Variants in NF1 observed in about 807,000 individuals in gnomAD.
NF1 encodes the protein neurofibromin 1.
Under a neutral mutation model 325.7 loss-of-function variants are expected in NF1, and 122 were observed. The observed-to-expected ratio is 0.37, with a 90% CI of 0.32 to 0.44. The LOEUF (loss-of-function observed/expected upper bound fraction) is 0.44. Ranked by LOEUF, NF1 falls within the 20% of genes least tolerant of loss-of-function variation. The pLI is 1.00. For synonymous variants in NF1, 1,091 were observed against 1,186.0 expected, an observed-to-expected ratio of 0.92 and a Z score of 1.65; for missense variants, 2,140 against 3,415.4, an observed-to-expected ratio of 0.63 and a Z score of 9.31.
At chr17:31,275,542 G>A (rs2067990020) in intron 36 of NF1, among the ~76,000 whole-genome samples, 1 of 152,018 alleles carries the variant, frequency 6.6e-6, no homozygotes, top group South Asian at 2.1e-4. Flanking sequence ...CTTTATCACA[G>A]GTATTTCTGT....
intron 36 of NF1, chr17:31,305,224 G>A (rs1337877477): frequency 6.8e-6 from 11 of 1,614,176 alleles, no homozygotes; most frequent in Non-Finnish European, 9.3e-6. Context: ...ACGGGCAGAT[G>A]GTAGTTGTCT....
rs2151552887 is a variant in NF1 at position 31,336,253 on chromosome 17, G to T, written c.6007-80G>T. On this transcript the variant is annotated intron_variant, in intron 40 of 57. Transcript: ENST00000358273. The surrounding 1 kb of genome is among the most constrained non-coding windows in gnomAD (Gnocchi z 5.5). Reference sequence around the variant, plus strand: ...AAAATAGAATTTTCATATTGATTAGGCTGTTCCAATGAATATTTTTTAATT... The same window carrying T: ...AAAATAGAATTTTCATATTGATTAGTCTGTTCCAATGAATATTTTTTAATT... 6.9e-7 allele frequency: 1 copy of T among 1,455,772 alleles called. No homozygotes were observed. The highest frequency in any genetic ancestry group is 1.2e-5 in the South Asian group (1 of 83,884). 90.2% of individuals were successfully genotyped at this position (1,455,772 alleles called of 1,614,324 possible). A position where few individuals can be genotyped will look rare whatever the true frequency, so the allele number is the denominator to read the frequency against.
In NF1 at chr17:31,201,449, T is replaced by C. The variant is rs1555611089; in HGVS notation, c.1224T>C (p.Tyr408=). The change falls in exon 11 of 58, where the codon TAT becomes TAC. Residue 408 remains tyrosine (Y), a synonymous_variant. Coordinates refer to ENST00000358273, the MANE Select transcript of NF1 (RefSeq NM_001042492.3). ...LAQNSPSTFH[Y]VLVNSLHRII... ...AGAATTCACCTTCTACATTTCACTA[T>C]GTGCTGGTAAATTCACTCCATCGAA... 6.2e-7 allele frequency: 1 copy of C among 1,613,124 alleles called. No homozygotes were observed.
chr17:31,255,411 T>C (rs564493777), intron 31 of NF1, among the ~76,000 whole-genome samples: 77 of 152,194 alleles, frequency 5.1e-4, no homozygotes, highest in Middle Eastern at 3.4e-3. Context: ...TGTCAATTAG[T>C]GGTGAATGAA....
intron 36 of NF1, chr17:31,305,272 G>T: frequency 6.2e-7 from 1 of 1,614,160 alleles, no homozygotes. Flanking sequence ...GGAGGTGTTG[G>T]CTATTGGTGT....
intron 33 of NF1, 108 bp downstream of exon 33, chr17:31,259,237 T>G (rs1057026451): frequency 8.2e-6 from 6 of 732,090 alleles, no homozygotes; most frequent in South Asian, 6.3e-5. Flanking sequence ...AGTTTTTTTC[T>G]TTTCCTGCTC....
chr17:31,367,193 ACTTG>A (rs777192789), intron 57 of NF1: 1 of 1,276,226 alleles, frequency 7.8e-7, no homozygotes, highest in South Asian at 1.3e-5. Context: ...AACATCACTT[ACTTG>A]CTTTTTTTTC....
intron 1 of NF1, among the ~76,000 whole-genome samples, chr17:31,142,457 C>G (rs746312851): frequency 1.3e-5 from 2 of 152,146 alleles, no homozygotes; most frequent in Non-Finnish European, 2.9e-5. Flanking sequence ...AAGGTTTTTT[C>G]CTCCTCATTC....
rs754638282 is a variant in NF1 at position 31,374,040 on chromosome 17, C to T, written c.8405C>T (p.Ser2802Phe). 1 of 1,614,108 alleles carries T rather than the reference C, an allele frequency of 6.2e-7. No individual in the cohort carries two copies. Among genetic ancestry groups the T allele is most frequent in the Non-Finnish European group, 8.5e-7 (1 of 1,179,964 alleles). Residue 2802 changes from serine to phenylalanine, a missense_variant, in exon 58 of 58, where the codon TCC becomes TTC. Around this residue, in one of 10 missense-constraint regions of NF1, gnomAD observed 522 missense variants for 749.0 expected, o/e 0.70. Transcript: ENST00000358273. ...ATCGACAAGGAGAACGTTGAACTCT[C>T]CCCTACCACTGGCCACTGTAACAGT... ...PGIDKENVEL[S>F]PTTGHCNSGR...
chr17:31,341,313 T>G (rs566116847), intron 47 of NF1, among the ~76,000 whole-genome samples: 25 of 152,152 alleles, frequency 1.6e-4, no homozygotes, highest in East Asian at 7.7e-4. Flanking sequence ...TCAGTTGAGC[T>G]CAGGAGTTAG....
At chr17:31,167,808 A>G (rs1457113323) in intron 4 of NF1, among the ~76,000 whole-genome samples, 1 of 152,188 alleles carries the variant, frequency 6.6e-6, no homozygotes, top group Non-Finnish European at 1.5e-5. Context: ...TAAGTGTTAA[A>G]TGTTTCTACG....
intron 36 of NF1, among the ~76,000 whole-genome samples, chr17:31,278,448 T>C (rs1256713116): frequency 7.2e-6 from 1 of 138,520 alleles, no homozygotes; most frequent in Non-Finnish European, 1.6e-5. Flanking sequence ...CACAGAGATC[T>C]TTTCTTGAGT....
intron 36 of NF1, among the ~76,000 whole-genome samples, chr17:31,274,723 T>C (rs2067968943): frequency 9.8e-6 from 1 of 102,434 alleles, no homozygotes; most frequent in Admixed American, 1.2e-4. Flanking sequence ...TTGGGGGGTA[T>C]ATAGTTGGTA....
At chr17:31,305,327 G>A in intron 36 of NF1, 1 of 1,614,154 alleles carries the variant, frequency 6.2e-7, no homozygotes, top group African/African-American at 1.3e-5. Context: ...GCAGAAGTAT[G>A]TGCTTCTGGT....
At chr17:31,342,039 G>C (rs531779608) in intron 47 of NF1, among the ~76,000 whole-genome samples, 125 of 152,290 alleles carry the variant, frequency 8.2e-4, no homozygotes, top group Admixed American at 1.2e-3. Context: ...CAGTCTACCA[G>C]ATGTAGTGTG....
At chr17:31,144,895 C>T (rs1017674564) in intron 1 of NF1, among the ~76,000 whole-genome samples, 1 of 152,256 alleles carries the variant, frequency 6.6e-6, no homozygotes. Flanking sequence ...AATCTTATTG[C>T]GGGAAAGCAT....
intron 1 of NF1, chr17:31,133,060 T>C (rs181652399): frequency 2.0e-5 from 3 of 152,220 alleles, no homozygotes; most frequent in East Asian, 3.8e-4. Flanking sequence ...ATTAAGTACA[T>C]TCACCTTGTT....
intron 1 of NF1, among the ~76,000 whole-genome samples, chr17:31,100,674 A>C (rs1188079003): frequency 2.6e-5 from 4 of 152,148 alleles, no homozygotes; most frequent in Admixed American, 1.3e-4. Context: ...GGTTCAAGCG[A>C]TTCTCCTGCC....
intron 1 of NF1, among the ~76,000 whole-genome samples, chr17:31,141,587 A>T (rs1236932552): frequency 6.6e-6 from 1 of 152,102 alleles, no homozygotes; most frequent in East Asian, 1.9e-4. Context: ...CAGCACTTAG[A>T]CTCACAATGT....
Sources: gnomAD v4.1 joint callset for allele counts (sites outside exome capture counted in the v4.1 genomes callset) on GRCh38, gnomAD v4.1.1 for gene constraint, gnomAD v4.1.1 regional missense constraint, Gnocchi (gnomAD v3.1) non-coding constraint, MANE v1.5 for transcripts, NCBI Gene and HGNC (gene_info 2026-07-23, HGNC 2026-07-21) for gene names.